ROBO2: variants seen among roughly 807,000 people sequenced by gnomAD.
The protein encoded by ROBO2 is roundabout guidance receptor 2.
In ROBO2, 53 loss-of-function variants were observed where a neutral mutation model predicts 160.8. That is an observed-to-expected ratio of 0.33 (90% CI 0.26 to 0.41). ROBO2 has a LOEUF of 0.41. Among genes scored for constraint, ROBO2 ranks in the 10% least tolerant of loss-of-function variants. The pLI, the probability that ROBO2 is intolerant of heterozygous loss-of-function variation, is 1.00. For missense variants in ROBO2, 1,577 were observed against 1,722.4 expected, an observed-to-expected ratio of 0.92 and a Z score of 1.49; for synonymous variants, 664 against 611.7, an observed-to-expected ratio of 1.09 and a Z score of -1.26.
chr3:77,180,406 C>A (rs1190117808), intron 2 of ROBO2, among the ~76,000 whole-genome samples: 43 of 104,102 alleles, frequency 4.1e-4, no homozygotes, highest in Non-Finnish European at 7.9e-4. Context: ...CTCTCTCTCT[C>A]TCTCTCTCTC....
At chr3:76,887,010 C>G (rs2148790263) in intron 2 of ROBO2, among the ~76,000 whole-genome samples, 1 of 152,216 alleles carries the variant, frequency 6.6e-6, no homozygotes. Context: ...GGATAGTTTT[C>G]TAAAGGTGTT....
At position 77,074,037 on chromosome 3, in the gene ROBO2, A is replaced by C. The variant is rs568277341; in HGVS notation, c.62-23977A>C. Among the ~76,000 whole-genome samples, 3 of 152,372 alleles carry C rather than the reference A, an allele frequency of 2.0e-5. No individual in the cohort carries two copies. In the South Asian group the frequency reaches 6.2e-4, roughly 32 times the overall value. On this transcript the variant is annotated intron_variant, in intron 1 of 25. Coordinates refer to ENST00000461745, the Ensembl canonical transcript of ROBO2. ...TAATAGAAACGTGGAAGTGTTTTACATCACCAGGGAACATCCTGAATGTAC... is the reference window on the plus strand; with the variant it reads ...TAATAGAAACGTGGAAGTGTTTTACCTCACCAGGGAACATCCTGAATGTAC...
chr3:77,159,370 T>C (rs9876864), intron 2 of ROBO2, among the ~76,000 whole-genome samples: 3 of 151,914 alleles, frequency 2.0e-5, no homozygotes, highest in African/African-American at 7.3e-5. Flanking sequence ...GATTACTACA[T>C]TTTAGTGATG....
At chr3:76,596,117 G>T (rs576792939) in intron 2 of ROBO2, among the ~76,000 whole-genome samples, 75 of 152,192 alleles carry the variant, frequency 4.9e-4, no homozygotes, top group African/African-American at 1.7e-3. Flanking sequence ...ATAAAGCCCT[G>T]TTGTAAGTAG....
At position 76,096,313 on chromosome 3, in the gene ROBO2, C is replaced by T. The variant is rs1215072110; in HGVS notation, c.109+158711C>T. Among the ~76,000 whole-genome samples, 4 of 152,076 alleles carry T rather than the reference C, an allele frequency of 2.6e-5. 1 individual carries two copies. The South Asian group carries it at 6.2e-4, about 24-fold the overall frequency. Reference sequence around the variant, plus strand: ...CTAGCCAGCATCATAACTTGGGTAACAAGAATATTCAGAAGAAAAGCACTT... The same window carrying T: ...CTAGCCAGCATCATAACTTGGGTAATAAGAATATTCAGAAGAAAAGCACTT... On this transcript the variant is annotated intron_variant, in intron 2 of 26. Transcript: ENST00000487694.
intron 2 of ROBO2, among the ~76,000 whole-genome samples, chr3:77,152,952 C>T (rs1171989580): frequency 1.3e-5 from 2 of 152,156 alleles, no homozygotes; most frequent in African/African-American, 2.4e-5. Flanking sequence ...CAGTGACTGA[C>T]AACCACTGAT....
At chr3:76,982,726 C>A (rs1009906863) in intron 2 of ROBO2, among the ~76,000 whole-genome samples, 1 of 152,058 alleles carries the variant, frequency 6.6e-6, no homozygotes, top group African/African-American at 2.4e-5. Context: ...TGTGAAATAT[C>A]TCAAATATAA....
chr3:76,480,206 T>C (rs764270203), intron 2 of ROBO2, among the ~76,000 whole-genome samples: 1 of 152,170 alleles, frequency 6.6e-6, no homozygotes, highest in African/African-American at 2.4e-5. Flanking sequence ...AATTAAATGA[T>C]TACACATTCA....
At chr3:76,869,342 G>C (rs9309754) in intron 2 of ROBO2, among the ~76,000 whole-genome samples, 2,195 of 71,506 alleles carry the variant, frequency 0.031, 120 homozygotes, top group African/African-American at 0.059. Flanking sequence ...AGAAATTGAT[G>C]TTTTTTTTTT....
intron 17 of ROBO2, among the ~76,000 whole-genome samples, chr3:77,589,212 A>C (rs2094125800): frequency 1.1e-5 from 1 of 94,970 alleles, no homozygotes; most frequent in African/African-American, 4.6e-5. Flanking sequence ...CTTTGAAATC[A>C]TAAACTCAAA....
At chr3:76,475,563 C>A (rs2078890746) in intron 2 of ROBO2, among the ~76,000 whole-genome samples, 1 of 144,996 alleles carries the variant, frequency 6.9e-6, no homozygotes, top group African/African-American at 2.6e-5. Flanking sequence ...AAAAAAATTT[C>A]AACTAGATAG....
intron 2 of ROBO2, among the ~76,000 whole-genome samples, chr3:77,418,387 T>C (rs944840845): frequency 6.6e-6 from 1 of 152,156 alleles, no homozygotes; most frequent in African/African-American, 2.4e-5. Flanking sequence ...CGGTTATAAA[T>C]GGTAATCTTT....
chr3:76,419,196 G>A lies in ROBO2; in HGVS notation c.109+481594G>A, dbSNP rs78135122. Among the ~76,000 whole-genome samples the A allele has an allele frequency of 4.0e-3, 606 of 152,174 alleles. 6 individuals carry two copies. Among genetic ancestry groups the A allele is most frequent in the African/African-American group, 0.014 (572 of 41,514 alleles). ...CAAAAATTATGTCATCAAATGCCACGGTGCGAGTTATTTGTGTTACTTCTG... is the reference window on the plus strand; with the variant it reads ...CAAAAATTATGTCATCAAATGCCACAGTGCGAGTTATTTGTGTTACTTCTG... On this transcript the variant is annotated intron_variant, in intron 2 of 26. Transcript: ENST00000487694.
chr3:76,120,518 A>G (rs2070706765), intron 2 of ROBO2, among the ~76,000 whole-genome samples: 1 of 152,170 alleles, frequency 6.6e-6, no homozygotes, highest in Admixed American at 6.6e-5. Context: ...GTATTTTTAT[A>G]CAGACTTTCA....
intron 2 of ROBO2, among the ~76,000 whole-genome samples, chr3:76,777,233 A>C (rs572992574): frequency 2.0e-5 from 3 of 151,286 alleles, no homozygotes; most frequent in African/African-American, 7.2e-5. Context: ...TACATACTTA[A>C]CAAAAGACAT....
chr3:76,737,080 T>C (rs533276517), intron 2 of ROBO2, among the ~76,000 whole-genome samples: 72 of 152,314 alleles, frequency 4.7e-4, no homozygotes, highest in African/African-American at 1.5e-3. Context: ...TAAAAATATG[T>C]TGTAAGAATC....
chr3:76,896,551 C>T (rs904526581), intron 2 of ROBO2, among the ~76,000 whole-genome samples: 4 of 151,924 alleles, frequency 2.6e-5, no homozygotes, highest in Admixed American at 1.3e-4. Flanking sequence ...TGATCATGCA[C>T]CTTCACATAT....
chr3:77,267,216 G>T (rs1211671247), intron 2 of ROBO2, among the ~76,000 whole-genome samples: 2 of 152,078 alleles, frequency 1.3e-5, no homozygotes, highest in African/African-American at 4.8e-5. Context: ...GGACTCCCAA[G>T]TTCAAAGGTT....
At chr3:77,327,415 A>G (rs1296821587) in intron 2 of ROBO2, among the ~76,000 whole-genome samples, 1 of 152,154 alleles carries the variant, frequency 6.6e-6, no homozygotes. Flanking sequence ...AAAGAACTAG[A>G]TAAATAACAA....
Sources: allele counts gnomAD v4.1 joint callset (sites outside exome capture counted in the v4.1 genomes callset), GRCh38; gene constraint gnomAD v4.1.1; transcripts MANE v1.5; gene names NCBI Gene and HGNC (gene_info 2026-07-23, HGNC 2026-07-21).